The following DPP6 variants were observed in gnomAD, a reference collection of about 807,000 sequenced individuals.
DPP6 encodes the protein A-type potassium channel modulatory protein DPP6.
Under a neutral mutation model 122.6 loss-of-function variants are expected in DPP6, and 69 were observed. The ratio of observed to expected loss-of-function variants is 0.56; its 90% CI spans 0.46 to 0.69. The LOEUF (loss-of-function observed/expected upper bound fraction) is 0.69, where lower values mean the gene tolerates loss of function less well. DPP6 is among the 30% of genes least tolerant of loss of function. DPP6 has a pLI of 0.00. For synonymous variants in DPP6, 418 were observed against 433.1 expected (o/e 0.97, Z 0.43); for missense variants, 928 against 1,116.9 (o/e 0.83, Z 2.41).
At chr7:154,447,455 C>A (rs1819981536) in intron 2 of DPP6, among the ~76,000 whole-genome samples, 1 of 152,004 alleles carries the variant, frequency 6.6e-6, no homozygotes, top group Non-Finnish European at 1.5e-5. Context: ...AATACATACA[C>A]AAGCATTAGA....
At chr7:154,613,101 C>T (rs536953136) in intron 5 of DPP6, among the ~76,000 whole-genome samples, 1 of 152,284 alleles carries the variant, frequency 6.6e-6, no homozygotes, top group East Asian at 1.9e-4. Flanking sequence ...TTCATGAGAG[C>T]TCTGCCCTTA....
intron 1 of DPP6, among the ~76,000 whole-genome samples, chr7:154,402,722 C>T (rs150747119): frequency 0.051 from 7,618 of 150,006 alleles, 597 homozygotes; most frequent in African/African-American, 0.17. Context: ...ACAATGTGCA[C>T]ATGTACCCTA....
Position 154,294,888 on chromosome 7 carries a change from G to T in DPP6, c.244-151326G>T. Among the ~76,000 whole-genome samples the T allele has an allele frequency of 1.3e-5, 2 of 152,310 alleles. 1 individual carries two copies. The highest frequency in any genetic ancestry group is 1.3e-4 in the Admixed American group (2 of 15,292). ...GCACCAAATTCTGGCTGAGCAGACA[G>T]CCCCAGAAATGTCACCTGGAGCCGT... is the stretch of plus-strand genomic sequence containing the variant. On this transcript the variant is annotated intron_variant, in intron 1 of 25. Transcript: ENST00000377770.
At chr7:154,573,752 C>T (rs1343917175) in intron 5 of DPP6, among the ~76,000 whole-genome samples, 4 of 152,198 alleles carry the variant, frequency 2.6e-5, no homozygotes, top group African/African-American at 7.2e-5. Context: ...TAGCACAATG[C>T]GTGCAGTTTC....
At chr7:153,938,406 A>G (rs963190067) in intron 1 of DPP6, among the ~76,000 whole-genome samples, 1 of 152,212 alleles carries the variant, frequency 6.6e-6, no homozygotes, top group Non-Finnish European at 1.5e-5. Context: ...TTTAGGAAAA[A>G]TGAGTTTCCA....
chr7:154,450,725 T>TG (rs1167078055), intron 2 of DPP6, among the ~76,000 whole-genome samples: 1 of 152,148 alleles, frequency 6.6e-6, no homozygotes, highest in African/African-American at 2.4e-5. Flanking sequence ...TTAGAGGGGC[T>TG]GGGGGAGGAA....
chr7:154,008,818 C>T (rs1359575237), intron 1 of DPP6, among the ~76,000 whole-genome samples: 1 of 151,674 alleles, frequency 6.6e-6, no homozygotes, highest in Non-Finnish European at 1.5e-5. Context: ...CCCGCCACTA[C>T]GCCCGGCTAA....
At chr7:153,837,841 T>TTTTTTTTTTTTTTTC in the DPP6 span, among the ~76,000 whole-genome samples, 1 of 135,674 alleles carries the variant, frequency 7.4e-6, no homozygotes, top group African/African-American at 2.9e-5. Flanking sequence ...TGGTTAATTT[T>TTTTTTTTTTTTTTTC]TTTTTTTTTT....
chr7:153,856,512 T>C, the DPP6 span, among the ~76,000 whole-genome samples: 59 of 152,338 alleles, frequency 3.9e-4, no homozygotes, highest in African/African-American at 1.4e-3. Context: ...AAAAAATATT[T>C]AGTACACATC....
intron 22 of DPP6, 129 bp downstream of exon 22, chr7:154,885,873 C>T (rs1013076664): frequency 1.5e-6 from 2 of 1,294,152 alleles, no homozygotes; most frequent in African/African-American, 1.5e-5. Context: ...AGGCCACAGT[C>T]ACCACCTTGG....
At chr7:154,301,580 C>T (rs934491906) in intron 1 of DPP6, among the ~76,000 whole-genome samples, 1 of 151,994 alleles carries the variant, frequency 6.6e-6, no homozygotes, top group African/African-American at 2.4e-5. Flanking sequence ...ATGATGGCAC[C>T]GATAATGCCC....
the DPP6 span, among the ~76,000 whole-genome samples, chr7:153,846,627 A>T: frequency 6.6e-6 from 1 of 150,968 alleles, no homozygotes; most frequent in East Asian, 1.9e-4. Flanking sequence ...TTCTTCTGCA[A>T]TTCCAATTAT....
chr7:154,298,504 A>C (rs1313583411), intron 1 of DPP6, among the ~76,000 whole-genome samples: 1 of 152,090 alleles, frequency 6.6e-6, no homozygotes. Flanking sequence ...TTTTCTTACT[A>C]ATAAAGAATT....
At chr7:154,389,719 CA>C (rs34396444) in intron 1 of DPP6, among the ~76,000 whole-genome samples, 83,929 of 152,024 alleles carry the variant, frequency 0.55, 26,720 homozygotes, top group South Asian at 0.7. Context: ...TGCATTCTGG[CA>C]GTCCTCAAAA....
At chr7:154,325,668 A>G (rs1808386267) in intron 1 of DPP6, among the ~76,000 whole-genome samples, 1 of 152,084 alleles carries the variant, frequency 6.6e-6, no homozygotes, top group Non-Finnish European at 1.5e-5. Context: ...TTTTTGCTTT[A>G]TTTTCATTAG....
At chr7:154,812,616 G>A (rs1187847212) in intron 16 of DPP6, among the ~76,000 whole-genome samples, 1 of 151,990 alleles carries the variant, frequency 6.6e-6, no homozygotes, top group Non-Finnish European at 1.5e-5. Flanking sequence ...CATTCCCAAG[G>A]GTTCCACTCT....
At chr7:153,862,486 G>A in the DPP6 span, among the ~76,000 whole-genome samples, 18 of 152,148 alleles carry the variant, frequency 1.2e-4, no homozygotes, top group Admixed American at 1.0e-3. Context: ...CACCCAGAGC[G>A]GGCTGATGTT....
At chr7:154,405,780 T>C (rs994815498) in intron 1 of DPP6, among the ~76,000 whole-genome samples, 7 of 152,294 alleles carry the variant, frequency 4.6e-5, no homozygotes, top group African/African-American at 1.7e-4. Context: ...CACAACTCTG[T>C]TCATCCTCCT....
chr7:154,140,467 T>G (rs4726377), intron 1 of DPP6, among the ~76,000 whole-genome samples: 62,660 of 118,968 alleles, frequency 0.53, 14,320 homozygotes, highest in Middle Eastern at 0.66. Context: ...TTTTGGGGTT[T>G]GTTTGTTTGT....
Sources: gnomAD v4.1 joint callset for allele counts (sites outside exome capture counted in the v4.1 genomes callset) on GRCh38, gnomAD v4.1.1 for gene constraint, MANE v1.5 for transcripts, NCBI Gene and HGNC (gene_info 2026-07-23, HGNC 2026-07-21) for gene names.